The following CACNA1C variants were observed in gnomAD, a reference collection of about 807,000 sequenced individuals.
The protein encoded by CACNA1C is voltage-dependent L-type calcium channel subunit alpha-1C.
CACNA1C carries 30 observed loss-of-function variants against 229.0 expected under a neutral mutation model. The ratio of observed to expected loss-of-function variants is 0.13; its 90% CI spans 0.10 to 0.18. The LOEUF (loss-of-function observed/expected upper bound fraction) is 0.18. CACNA1C is among the 10% of genes least tolerant of loss of function. The pLI is 1.00. For synonymous variants in CACNA1C, 1,114 were observed against 1,132.5 expected, an observed-to-expected ratio of 0.98 and a Z score of 0.33; for missense variants, 1,658 against 2,845.0, an observed-to-expected ratio of 0.58 and a Z score of 9.49.
At chr12:2,254,473 C>G (rs529179534) in intron 3 of CACNA1C, among the ~76,000 whole-genome samples, 208 of 152,252 alleles carry the variant, frequency 1.4e-3, no homozygotes, top group African/African-American at 4.8e-3. Flanking sequence ...AGTATGAGAA[C>G]GAAGGTGTGG....
At chr12:2,537,214 G>A (rs1414292275) in intron 9 of CACNA1C, among the ~76,000 whole-genome samples, 1 of 152,228 alleles carries the variant, frequency 6.6e-6, no homozygotes, top group Non-Finnish European at 1.5e-5. Flanking sequence ...GATAGGAAAA[G>A]GCTTTATAAA....
intron 3 of CACNA1C, among the ~76,000 whole-genome samples, chr12:2,167,795 C>T (rs539986592): frequency 4.5e-4 from 68 of 152,320 alleles, no homozygotes; most frequent in African/African-American, 1.6e-3. Context: ...AGATTTCTAT[C>T]TAGTTTCTAA....
intron 3 of CACNA1C, among the ~76,000 whole-genome samples, chr12:2,263,940 G>A (rs1362830943): frequency 6.6e-6 from 1 of 152,164 alleles, no homozygotes; most frequent in Non-Finnish European, 1.5e-5. Context: ...AGCAGCAGTA[G>A]CACTTGTTCA....
chr12:2,667,322 G>GC (rs58423219), intron 37 of CACNA1C, among the ~76,000 whole-genome samples: 7,718 of 145,098 alleles, frequency 0.053, 314 homozygotes, highest in Admixed American at 0.13. Flanking sequence ...TGGCCATTCC[G>GC]TGCTCCTTGT....
chr12:2,462,713 A>G (rs917422710), intron 5 of CACNA1C, among the ~76,000 whole-genome samples: 2 of 152,188 alleles, frequency 1.3e-5, no homozygotes, highest in African/African-American at 4.8e-5. Context: ...CTTCCTGGAC[A>G]TGTGCCTTTG....
Position 2,321,726 on chromosome 12 carries a change from C to T in CACNA1C, c.478-127250C>T, listed in dbSNP as rs141644438. On this transcript the variant is annotated intron_variant, in intron 3 of 46. Transcript: ENST00000399655. ...GGCTCTGAGAAGGTGACATTTGAGC[C>T]GAGACTTGAATGAGGATGAAGTCCT... 1.3e-3 allele frequency among the ~76,000 whole-genome samples: 200 copies of T among 152,086 alleles called. 1 individual carries two copies. The highest frequency in any genetic ancestry group is 4.6e-3 in the African/African-American group (189 of 41,464).
At chr12:2,004,242 C>G in intron 1 of CACNA1C, 2 of 1,610,604 alleles carry the variant, frequency 1.2e-6, no homozygotes, top group African/African-American at 1.3e-5. Flanking sequence ...CGCCTCCACC[C>G]CAACCCTGGG....
chr12:2,031,858 C>A (rs145072576), intron 1 of CACNA1C, among the ~76,000 whole-genome samples: 27 of 152,288 alleles, frequency 1.8e-4, no homozygotes, highest in African/African-American at 6.3e-4. Context: ...GCAACAGTGG[C>A]AGGATCTCAG....
In CACNA1C at chr12:2,483,303, A is replaced by G. The variant is rs114180087; in HGVS notation, c.758-2801A>G. The stretch of plus-strand genomic sequence containing the variant: ...GCAGGTGACAGGGAGTCACTGGGTG[A>G]CTTTCAGCTACAAAGTGACATGTTC... On this transcript the variant is annotated intron_variant, in intron 5 of 46. Transcript: ENST00000399655. Among the ~76,000 whole-genome samples the G allele has an allele frequency of 7.8e-3, 1,185 of 152,352 alleles. 17 individuals are homozygous for G. The highest frequency in any genetic ancestry group is 0.027 in the African/African-American group (1,128 of 41,582).
intron 27 of CACNA1C, 95 bp from the exon 28 acceptor site, chr12:2,610,446 G>A (rs1490483909): frequency 2.3e-5 from 29 of 1,288,848 alleles, no homozygotes; most frequent in Non-Finnish European, 3.2e-5. Context: ...ACCCCACAGT[G>A]TGTGGTCTCA....
intron 1 of CACNA1C, among the ~76,000 whole-genome samples, chr12:1,993,571 TGCA>T (rs993680980): frequency 2.6e-5 from 4 of 152,064 alleles, no homozygotes; most frequent in Admixed American, 1.3e-4. Flanking sequence ...TCCCATGTAA[TGCA>T]GCAGCACTGG....
rs1433457935 is a variant in CACNA1C at position 2,630,083 on chromosome 12, G to A, written c.3829-4214G>A. Among the ~76,000 whole-genome samples the A allele has an allele frequency of 6.6e-6, 1 of 152,234 alleles. No homozygotes were observed. The highest frequency in any genetic ancestry group is 2.4e-5 in the African/African-American group (1 of 41,468). On this transcript the variant is annotated intron_variant, in intron 29 of 46. Transcript: ENST00000399655. The surrounding 1 kb of genome is among the most constrained non-coding windows in gnomAD (Gnocchi z 5.4). ...TTCCCTTCTGGGCAGCCCGCCCTGC[G>A]TGGCTCTGAGGAGCTGGACAGTAGA...
intron 30 of CACNA1C, among the ~76,000 whole-genome samples, chr12:2,636,371 A>G (rs2092683243): frequency 6.6e-6 from 1 of 152,240 alleles, no homozygotes; most frequent in African/African-American, 2.4e-5. Context: ...TTTAAAGAAA[A>G]AGAAAAAACA....
At chr12:2,289,986 T>C (rs1352983033) in intron 3 of CACNA1C, among the ~76,000 whole-genome samples, 2 of 152,210 alleles carry the variant, frequency 1.3e-5, no homozygotes, top group African/African-American at 2.4e-5. Flanking sequence ...CTGTCCAAAA[T>C]CGCACAGCTA....
chr12:2,386,797 C>T (rs1033907367), intron 3 of CACNA1C, among the ~76,000 whole-genome samples: 20 of 152,344 alleles, frequency 1.3e-4, no homozygotes, highest in African/African-American at 4.6e-4. Flanking sequence ...GAGTGCAGCA[C>T]CAGCATAGTA....
intron 3 of CACNA1C, among the ~76,000 whole-genome samples, chr12:2,375,151 C>T (rs1291574993): frequency 1.3e-5 from 2 of 152,236 alleles, no homozygotes; most frequent in Non-Finnish European, 2.9e-5. Context: ...GCAGGGCGCA[C>T]TTCTCACACA....
chr12:2,056,897 C>A (rs908797382), intron 1 of CACNA1C, among the ~76,000 whole-genome samples: 10 of 152,144 alleles, frequency 6.6e-5, no homozygotes, highest in African/African-American at 2.4e-4. Context: ...TGTATACATA[C>A]ACACATGGAA....
At position 2,346,785 on chromosome 12, in the gene CACNA1C, T is replaced by TA. The variant is rs1285613785; in HGVS notation, c.478-102189dup. On this transcript the variant is annotated intron_variant, in intron 3 of 46. Coordinates refer to ENST00000399655, the MANE Select transcript of CACNA1C (RefSeq NM_000719.7). The surrounding 1 kb of genome is among the most constrained non-coding windows in gnomAD (Gnocchi z 4.4). ...ACTTGATTTTGCATCCAGCTCATGA[T>TA]AAGCATATAGCAGCATATACACAAA... Among the ~76,000 whole-genome samples, 1 of 152,240 alleles carries TA rather than the reference T, an allele frequency of 6.6e-6. No homozygotes were observed. Among genetic ancestry groups the TA allele is most frequent in the African/African-American group, 2.4e-5 (1 of 41,462 alleles).
Position 2,586,050 on chromosome 12 carries a change from C to T in CACNA1C, c.2530+146C>T, listed in dbSNP as rs1387799319. 5.7e-6 allele frequency: 3 copies of T among 526,536 alleles called. No individual in the cohort carries two copies. In the East Asian group the frequency reaches 9.3e-5, roughly 16 times the overall value. The allele number at this position is 526,536 out of a possible 1,614,324, so 32.6% of individuals were successfully genotyped here. ...TTCCACTGCTGAGTGTCTTCTATCTCTATATTTAAGCATCATCAGTCAGCA... is the reference window on the plus strand; with the variant it reads ...TTCCACTGCTGAGTGTCTTCTATCTTTATATTTAAGCATCATCAGTCAGCA... On this transcript the variant is annotated intron_variant, in intron 18 of 46. Transcript: ENST00000399655.
Sources: gnomAD v4.1 joint callset for allele counts (sites outside exome capture counted in the v4.1 genomes callset) on GRCh38, gnomAD v4.1.1 for gene constraint, Gnocchi (gnomAD v3.1) non-coding constraint, MANE v1.5 for transcripts, NCBI Gene and HGNC (gene_info 2026-07-23, HGNC 2026-07-21) for gene names.